USP8: variants seen among roughly 807,000 people sequenced by gnomAD.
The protein encoded by USP8 is ubiquitin carboxyl-terminal hydrolase 8.
In USP8, 27 loss-of-function variants were observed where a neutral mutation model predicts 130.0. The observed-to-expected ratio is 0.21, with a 90% CI of 0.15 to 0.29. The LOEUF (loss-of-function observed/expected upper bound fraction) is 0.29, where lower values mean the gene tolerates loss of function less well. Ranked by LOEUF, USP8 falls within the 10% of genes least tolerant of loss-of-function variation. The pLI, the probability that USP8 is intolerant of heterozygous loss-of-function variation, is 1.00. For missense variants in USP8, 1,029 were observed against 1,312.2 expected, an observed-to-expected ratio of 0.78 and a Z score of 3.33; for synonymous variants, 392 against 444.1, an observed-to-expected ratio of 0.88 and a Z score of 1.48.
At chr15:50,472,597 GA>G (rs572914472) in intron 8 of USP8, among the ~76,000 whole-genome samples, 4,288 of 108,904 alleles carry the variant, frequency 0.039, 185 homozygotes, top group African/African-American at 0.12. Context: ...ACTCTGTCTG[GA>G]AAAAAAAAAA....
intron 8 of USP8, among the ~76,000 whole-genome samples, 166 bp downstream of exon 8, chr15:50,471,961 C>T (rs1472363869): frequency 2.0e-5 from 3 of 147,332 alleles, no homozygotes; most frequent in South Asian, 2.1e-4. Flanking sequence ...AGTACAGTGG[C>T]GTGATCTCAG....
In USP8 at chr15:50,510,332, G is replaced by C. The variant is rs1451874642; in HGVS notation, c.*11244G>C. On this transcript the variant is annotated 3_prime_UTR_variant, in exon 20 of 20. Transcript: ENST00000307179. Reference sequence around the variant, plus strand: ...GGGTTGGAAAGGATTTCTTAAATGAGACACAGAAAAGGACTAACTAGAAAA... The same window carrying C: ...GGGTTGGAAAGGATTTCTTAAATGACACACAGAAAAGGACTAACTAGAAAA... 1 of 152,110 alleles carries C rather than the reference G, an allele frequency of 6.6e-6. No homozygotes were observed. The highest frequency in any genetic ancestry group is 6.6e-5 in the Admixed American group (1 of 15,250). The allele number at this position is 152,110 out of a possible 1,614,324, so 9.4% of individuals were successfully genotyped here. A position where few individuals can be genotyped will look rare whatever the true frequency, so the allele number is the denominator to read the frequency against.
chr15:50,476,835 T>A lies in USP8; in HGVS notation c.850-14T>A. 1 of 1,535,820 alleles carries A rather than the reference T, an allele frequency of 6.5e-7. No individual in the cohort carries two copies. The highest frequency in any genetic ancestry group is 8.7e-7 in the Non-Finnish European group (1 of 1,151,362). On this transcript the variant is annotated splice_polypyrimidine_tract_variant and intron_variant, in intron 8 of 19. Coordinates refer to ENST00000307179, the MANE Select transcript of USP8 (RefSeq NM_005154.5). ...ATTGCTGCCCTATTTAAAATATGAT[T>A]TCCTTATTTATAGTGGGAAAGTAAA... is the stretch of plus-strand genomic sequence containing the variant.
chr15:50,442,471 G>A lies in USP8; in HGVS notation c.249+978G>A, dbSNP rs560565150. Among the ~76,000 whole-genome samples, 54 of 151,186 alleles carry A rather than the reference G, an allele frequency of 3.6e-4. 1 individual carries two copies. Among genetic ancestry groups the A allele is most frequent in the African/African-American group, 1.3e-3 (52 of 41,424 alleles). On this transcript the variant is annotated intron_variant, in intron 3 of 19. Coordinates refer to ENST00000307179, the MANE Select transcript of USP8 (RefSeq NM_005154.5). ...AAACTAGCAAAAGAATGCTGGGCAC[G>A]GTGGTTCACACCTGTAATCCCAGCA...
In USP8 at chr15:50,514,409, TA is replaced by T. The variant is rs2052781181; in HGVS notation, c.*15322del. On this transcript the variant is annotated 3_prime_UTR_variant, in exon 20 of 20. Coordinates refer to ENST00000307179, the MANE Select transcript of USP8 (RefSeq NM_005154.5). The stretch of plus-strand genomic sequence containing the variant: ...ATATATGTTTCACTTCAATAAAGTT[TA>T]TTTTTGGTCAAGGGCAGTGTCTCAT... The T allele has an allele frequency of 1.3e-5, 2 of 152,184 alleles. No individual in the cohort carries two copies. The highest frequency in any genetic ancestry group is 2.9e-5 in the Non-Finnish European group (2 of 68,042). 9.4% of individuals were successfully genotyped at this position (152,184 alleles called of 1,614,324 possible).
rs1052889059 is a variant in USP8, at chr15:50,505,460, A to G, written c.*6372A>G. 2.0e-5 allele frequency: 3 copies of G among 152,240 alleles called. No homozygotes were observed. Among genetic ancestry groups the G allele is most frequent in the African/African-American group, 7.2e-5 (3 of 41,464 alleles). 9.4% of individuals were successfully genotyped at this position (152,240 alleles called of 1,614,324 possible). A position where few individuals can be genotyped will look rare whatever the true frequency, so the allele number is the denominator to read the frequency against. On this transcript the variant is annotated 3_prime_UTR_variant, in exon 20 of 20. Coordinates refer to ENST00000307179, the MANE Select transcript of USP8 (RefSeq NM_005154.5). Reference sequence around the variant, plus strand: ...AATGAAAGTGAATTAAAGACTTCTCAAAGACTGAGAGACTTCAGGATAACA... The same window carrying G: ...AATGAAAGTGAATTAAAGACTTCTCGAAGACTGAGAGACTTCAGGATAACA...
At chr15:50,427,225 C>T (rs943633915) in intron 1 of USP8, among the ~76,000 whole-genome samples, 4 of 152,112 alleles carry the variant, frequency 2.6e-5, no homozygotes, top group East Asian at 3.8e-4. Flanking sequence ...CGTGAGCCAC[C>T]GCGCCTGACC....
chr15:50,472,655 A>G (rs982280436), intron 8 of USP8, among the ~76,000 whole-genome samples: 2 of 151,964 alleles, frequency 1.3e-5, no homozygotes, highest in African/African-American at 4.8e-5. Flanking sequence ...CCATGCCTGT[A>G]ATCCCAACAC....
intron 3 of USP8, among the ~76,000 whole-genome samples, chr15:50,445,811 T>A (rs1396640732): frequency 6.9e-6 from 1 of 144,450 alleles, no homozygotes; most frequent in African/African-American, 2.6e-5. Flanking sequence ...GAGCTGAGAT[T>A]GCACCACTGC....
intron 12 of USP8, among the ~76,000 whole-genome samples, chr15:50,488,850 G>C (rs1382580946): frequency 6.6e-6 from 1 of 151,912 alleles, no homozygotes; most frequent in Non-Finnish European, 1.5e-5. Context: ...TGGGATTACA[G>C]GCGTGAGCCA....
chr15:50,448,247 A>G (rs2050504973), intron 3 of USP8, among the ~76,000 whole-genome samples: 1 of 152,186 alleles, frequency 6.6e-6, no homozygotes, highest in Non-Finnish European at 1.5e-5. Flanking sequence ...TATAATTTGT[A>G]ATGAACTGTG....
At position 50,507,006 on chromosome 15, in the gene USP8, A is replaced by T. The variant is rs1455711907; in HGVS notation, c.*7918A>T. On this transcript the variant is annotated 3_prime_UTR_variant, in exon 20 of 20. Coordinates refer to ENST00000307179, the MANE Select transcript of USP8 (RefSeq NM_005154.5). The stretch of plus-strand genomic sequence containing the variant: ...AAAAAAAAAATCCAGTTTTAGGCCA[A>T]GTGTGGTGGCTCATGCCTGTAATCC... 1 of 143,748 alleles carries T rather than the reference A, an allele frequency of 7.0e-6. No homozygotes were observed. The highest frequency in any genetic ancestry group is 1.5e-5 in the Non-Finnish European group (1 of 66,790). The allele number at this position is 143,748 out of a possible 1,614,324, so 8.9% of individuals were successfully genotyped here.
At chr15:50,442,186 C>T (rs1218705806) in intron 3 of USP8, among the ~76,000 whole-genome samples, 1 of 151,952 alleles carries the variant, frequency 6.6e-6, no homozygotes, top group Non-Finnish European at 1.5e-5. Context: ...GTTGGTCAGG[C>T]TGGTCTCAAA....
chr15:50,459,584 CA>C (rs993505526), intron 5 of USP8, among the ~76,000 whole-genome samples: 1 of 149,490 alleles, frequency 6.7e-6, no homozygotes, highest in African/African-American at 2.5e-5. Flanking sequence ...ACTCTTGTCT[CA>C]AAAAAAAAGA....
At chr15:50,496,832 T>TC (rs1367354752) in intron 17 of USP8, 1 of 313,496 alleles carries the variant, frequency 3.2e-6, no homozygotes, top group Non-Finnish European at 5.8e-6. Flanking sequence ...CAACAGGGTT[T>TC]CTCTGATTGA....
At chr15:50,455,121 G>A (rs551475998) in intron 4 of USP8, among the ~76,000 whole-genome samples, 5 of 151,330 alleles carry the variant, frequency 3.3e-5, no homozygotes, top group African/African-American at 1.2e-4. Flanking sequence ...TGTTGTCGAG[G>A]TTGGAGTACA....
chr15:50,424,789 C>T (rs1405386279), intron 1 of USP8: 1 of 295,878 alleles, frequency 3.4e-6, no homozygotes, highest in Non-Finnish European at 6.1e-6. Context: ...CTCTTGGACA[C>T]TTATACCCGA....
intron 17 of USP8, among the ~76,000 whole-genome samples, chr15:50,496,475 C>G (rs189166325): frequency 9.1e-6 from 1 of 109,748 alleles, no homozygotes; most frequent in African/African-American, 4.0e-5. Context: ...AACAAGACTC[C>G]GTCTTAAAAA....
intron 7 of USP8, among the ~76,000 whole-genome samples, chr15:50,467,858 A>G (rs144273893): frequency 1.1e-4 from 16 of 151,702 alleles, no homozygotes; most frequent in African/African-American, 3.1e-4. Flanking sequence ...CACCCGGCCT[A>G]TCTGTTCTTA....
Sources: allele counts gnomAD v4.1 joint callset (sites outside exome capture counted in the v4.1 genomes callset), GRCh38; gene constraint gnomAD v4.1.1; transcripts MANE v1.5; gene names NCBI Gene and HGNC (gene_info 2026-07-23, HGNC 2026-07-21).